AKR1E2: variants seen among roughly 807,000 people sequenced by gnomAD.
AKR1E2 encodes the protein aldo-keto reductase family 1 member E2, also known as 1,5-anhydro-D-fructose reductase.
A neutral mutation model predicts 41.9 loss-of-function variants in AKR1E2; 43 were observed. That is an observed-to-expected ratio of 1.03 (90% confidence interval 0.80 to 1.32). The LOEUF (loss-of-function observed/expected upper bound fraction) is 1.32. AKR1E2 is among the 40% of genes most tolerant of loss of function. The pLI, the probability that AKR1E2 is intolerant of heterozygous loss-of-function variation, is 0.00. For missense variants in AKR1E2, 423 were observed against 396.5 expected, an observed-to-expected ratio of 1.07 and a Z score of -0.57; for synonymous variants, 121 against 138.9, an observed-to-expected ratio of 0.87 and a Z score of 0.91.
chr10:4,828,559 A>G (rs1832724787), intron 1 of AKR1E2, among the ~76,000 whole-genome samples: 1 of 152,164 alleles, frequency 6.6e-6, no homozygotes, highest in Admixed American at 6.5e-5. Context: ...CTTACTCTCC[A>G]CTGTAAGTTT....
chr10:4,833,277 TG>T, intron 2 of AKR1E2, 72 bp from the exon 3 acceptor site: 1 of 1,217,194 alleles, frequency 8.2e-7, no homozygotes, highest in East Asian at 2.3e-5. Context: ...ACAGTAGCTT[TG>T]TGGGGCTACA....
intron 2 of AKR1E2, among the ~76,000 whole-genome samples, chr10:4,831,511 G>A (rs112816762): frequency 6.6e-6 from 1 of 152,160 alleles, no homozygotes; most frequent in East Asian, 1.9e-4. Flanking sequence ...GGGAACTGCC[G>A]TTTATAAAAC....
At chr10:4,858,665 C>T in the AKR1E2 span, among the ~76,000 whole-genome samples, 10 of 151,968 alleles carry the variant, frequency 6.6e-5, no homozygotes, top group African/African-American at 1.9e-4. Context: ...TTACAATGTT[C>T]TATATGGTGT....
At chr10:4,832,440 T>C (rs757494266) in intron 2 of AKR1E2, among the ~76,000 whole-genome samples, 1 of 152,198 alleles carries the variant, frequency 6.6e-6, no homozygotes, top group East Asian at 1.9e-4. Flanking sequence ...GTCTTCTGAA[T>C]AGTCCAGGTA....
the AKR1E2 span, among the ~76,000 whole-genome samples, chr10:4,865,895 C>T: frequency 1.3e-5 from 2 of 152,110 alleles, no homozygotes; most frequent in East Asian, 1.9e-4. Context: ...CATCATTATT[C>T]ATTTGGAATT....
the AKR1E2 span, among the ~76,000 whole-genome samples, chr10:4,864,194 T>A: frequency 6.6e-6 from 1 of 151,964 alleles, no homozygotes; most frequent in Non-Finnish European, 1.5e-5. Flanking sequence ...CTGATGAAAT[T>A]GACGCAAAAA....
At chr10:4,836,779 C>A (rs1391817494) in intron 4 of AKR1E2, among the ~76,000 whole-genome samples, 1 of 152,188 alleles carries the variant, frequency 6.6e-6, no homozygotes, top group Non-Finnish European at 1.5e-5. Context: ...GTAGCACCAG[C>A]GAGGTTCCGG....
At chr10:4,835,617 G>T in intron 3 of AKR1E2, 58 bp from the exon 4 acceptor site, 1 of 1,141,528 alleles carries the variant, frequency 8.8e-7, no homozygotes, top group Non-Finnish European at 1.2e-6. Context: ...CCTGACACAT[G>T]GTTTTTTTTG....
chr10:4,826,520 C>G (rs1001492468), intron 1 of AKR1E2, among the ~76,000 whole-genome samples, 157 bp downstream of exon 1: 3 of 152,200 alleles, frequency 2.0e-5, no homozygotes, highest in African/African-American at 7.2e-5. Context: ...GGCCGCCCAC[C>G]GCCCACAAGC....
chr10:4,856,891 G>A, the AKR1E2 span, among the ~76,000 whole-genome samples: 1 of 150,702 alleles, frequency 6.6e-6, no homozygotes, highest in African/African-American at 2.5e-5. Flanking sequence ...CTACTGTTCG[G>A]TGGTATTAAG....
the AKR1E2 span, among the ~76,000 whole-genome samples, chr10:4,867,140 A>G: frequency 2.0e-5 from 3 of 152,344 alleles, no homozygotes; most frequent in South Asian, 2.1e-4. Context: ...AGTTAGTTCA[A>G]CCTACCATCA....
At chr10:4,825,207 C>T (rs367616738), upstream of AKR1E2, among the ~76,000 whole-genome samples, 8 of 152,150 alleles carry the variant, frequency 5.3e-5, no homozygotes, top group African/African-American at 1.9e-4. Flanking sequence ...TGGCTGCAGC[C>T]GCCCCATTGA....
At chr10:4,867,803 T>G in the AKR1E2 span, among the ~76,000 whole-genome samples, 1 of 152,240 alleles carries the variant, frequency 6.6e-6, no homozygotes, top group Non-Finnish European at 1.5e-5. Flanking sequence ...CATGTGTTAC[T>G]TGATGTGACT....
chr10:4,858,981 G>A, the AKR1E2 span, among the ~76,000 whole-genome samples: 6 of 151,710 alleles, frequency 4.0e-5, no homozygotes, highest in East Asian at 3.9e-4. Context: ...CCACCACCAC[G>A]ACCAGCTAAT....
chr10:4,849,134 G>A (rs1467473537), downstream of AKR1E2, among the ~76,000 whole-genome samples: 1 of 152,182 alleles, frequency 6.6e-6, no homozygotes, highest in African/African-American at 2.4e-5. Flanking sequence ...CCTCGCCCTA[G>A]TGGGGGTAGG....
chr10:4,869,833 GT>G, the AKR1E2 span, among the ~76,000 whole-genome samples: 2 of 151,622 alleles, frequency 1.3e-5, no homozygotes, highest in Non-Finnish European at 2.9e-5. Flanking sequence ...TCTGTTTTTG[GT>G]TTCTAATTTG....
intron 5 of AKR1E2, 117 bp from the exon 6 acceptor site, chr10:4,839,612 G>C (rs1347505877): frequency 4.6e-6 from 4 of 862,382 alleles, no homozygotes; most frequent in Non-Finnish European, 7.6e-6. Context: ...CTTAGGCCTG[G>C]AGCTGGGCCC....
chr10:4,862,457 A>G, the AKR1E2 span, among the ~76,000 whole-genome samples: 1 of 152,178 alleles, frequency 6.6e-6, no homozygotes, highest in East Asian at 1.9e-4. Flanking sequence ...GTTTTTTCCA[A>G]ATCTGTGAAG....
chr10:4,835,899 A>AACCT, intron 4 of AKR1E2, 90 bp downstream of exon 4: 1 of 1,520,638 alleles, frequency 6.6e-7, no homozygotes, highest in Non-Finnish European at 8.9e-7. Context: ...GTTCAAAGAC[A>AACCT]TCAAGGTTGT....
Sources: allele counts gnomAD v4.1 joint callset (sites outside exome capture counted in the v4.1 genomes callset), GRCh38; gene constraint gnomAD v4.1.1; transcripts MANE v1.5; gene names NCBI Gene and HGNC (gene_info 2026-07-23, HGNC 2026-07-21).